Variants in KIF6 observed in about 807,000 individuals in gnomAD.
KIF6 encodes the protein kinesin family member 6.
KIF6 carries 106 observed loss-of-function variants against 112.7 expected under a neutral mutation model. That is an observed-to-expected ratio of 0.94 (90% CI 0.80 to 1.11). The LOEUF (loss-of-function observed/expected upper bound fraction) is 1.11, where lower values mean the gene tolerates loss of function less well. KIF6 is among the 50% of genes least tolerant of loss of function. The pLI is 0.00. For missense variants in KIF6, 929 were observed against 964.0 expected (o/e 0.96, Z 0.48); for synonymous variants, 339 against 339.9 (o/e 1.00, Z 0.03).
chr6:39,679,420 G>C (rs1275337652), intron 3 of KIF6, among the ~76,000 whole-genome samples: 1 of 152,046 alleles, frequency 6.6e-6, no homozygotes, highest in Non-Finnish European at 1.5e-5. Flanking sequence ...CAAGGAAGAC[G>C]GAAGAAAAGT....
chr6:39,664,198 T>A (rs1293556966), intron 3 of KIF6, among the ~76,000 whole-genome samples: 1 of 150,746 alleles, frequency 6.6e-6, no homozygotes, highest in Non-Finnish European at 1.5e-5. Flanking sequence ...GGTCAGAGAG[T>A]TCAAGCTTGG....
chr6:39,346,135 CTCT>C (rs1562113458), intron 20 of KIF6, among the ~76,000 whole-genome samples: 3,982 of 107,550 alleles, frequency 0.037, 321 homozygotes, highest in African/African-American at 0.073. Context: ...CCCTCTCCCT[CTCT>C]CTCTCTCTCT....
At chr6:39,495,796 C>A (rs561591332) in intron 13 of KIF6, among the ~76,000 whole-genome samples, 3 of 152,166 alleles carry the variant, frequency 2.0e-5, no homozygotes, top group African/African-American at 4.8e-5. Flanking sequence ...TCTGCCAGGA[C>A]TATACTTCAT....
rs1226772690 is a variant in KIF6 at position 39,419,891 on chromosome 6, T to C, written c.1810+57A>G. On this transcript the variant is annotated intron_variant, in intron 15 of 22. Transcript: ENST00000287152. Reference sequence around the variant, plus strand: ...GGCCATTTGGAGGCACATCATGACCTGATTTTCACCAGGAAAATGGTTTCT... The same window carrying C: ...GGCCATTTGGAGGCACATCATGACCCGATTTTCACCAGGAAAATGGTTTCT... 2.1e-6 allele frequency: 3 copies of C among 1,447,430 alleles called. No homozygotes were observed. In the East Asian group the frequency reaches 6.8e-5, roughly 33 times the overall value. 89.7% of individuals were successfully genotyped at this position (1,447,430 alleles called of 1,614,324 possible).
rs187129846 is a variant in KIF6 at position 39,469,890 on chromosome 6, G to A, written c.1646-38729C>T. 9.8e-4 allele frequency among the ~76,000 whole-genome samples: 149 copies of A among 152,244 alleles called. 1 individual carries two copies. The Middle Eastern group carries it at 0.01, about 10-fold the overall frequency. ...TTCAATACTCCACATTCAACAATGG[G>A]TAGAACTAGGGAAAAGATCAATAAG... On this transcript the variant is annotated intron_variant, in intron 13 of 22. Transcript: ENST00000287152.
In KIF6 at chr6:39,703,481, AT is replaced by A. The variant is rs1393511185; in HGVS notation, c.251+11210del. On this transcript the variant is annotated intron_variant, in intron 3 of 22. Coordinates refer to ENST00000287152, the MANE Select transcript of KIF6 (RefSeq NM_145027.6). Reference sequence around the variant, plus strand: ...CATTATAAAAATTAGGTGAGATAATATACGTGAAACTGCTCTTATATTGGCA... The same window carrying A: ...CATTATAAAAATTAGGTGAGATAATAACGTGAAACTGCTCTTATATTGGCA... Among the ~76,000 whole-genome samples, 5 of 152,302 alleles carry A rather than the reference AT, an allele frequency of 3.3e-5. No individual in the cohort carries two copies. The South Asian group carries it at 1.0e-3, about 32-fold the overall frequency.
At chr6:39,485,556 T>C (rs1025770764) in intron 13 of KIF6, among the ~76,000 whole-genome samples, 1 of 152,146 alleles carries the variant, frequency 6.6e-6, no homozygotes, top group Non-Finnish European at 1.5e-5. Context: ...CAGGAATCCA[T>C]AAAATCTGTA....
intron 5 of KIF6, among the ~76,000 whole-genome samples, chr6:39,619,981 A>G (rs1026526): frequency 0.24 from 36,681 of 152,062 alleles, 4,884 homozygotes; most frequent in East Asian, 0.39. Context: ...ACAACCATCA[A>G]TGGCGCCCAA....
chr6:39,391,199 G>A (rs538462681), intron 15 of KIF6, among the ~76,000 whole-genome samples: 12 of 152,292 alleles, frequency 7.9e-5, no homozygotes, highest in Admixed American at 3.9e-4. Flanking sequence ...GAAGTAGGAC[G>A]GAAATGCAAA....
rs141724924 is a variant in KIF6, at chr6:39,380,494, A to G, written c.1861+5128T>C. ...ACCATAGTCTTGACTTTCAGCCAGG[A>G]AAGAGAGTAGGAATCCTTATAAAAG... On this transcript the variant is annotated intron_variant, in intron 16 of 22. Transcript: ENST00000287152. Among the ~76,000 whole-genome samples the G allele has an allele frequency of 2.2e-4, 33 of 152,366 alleles. No individual in the cohort carries two copies. In the East Asian group the frequency reaches 6.4e-3, roughly 29 times the overall value.
rs1487385154 is a variant in KIF6 at position 39,364,049 on chromosome 6, C to G, written c.1862-1531G>C. ...TATCTTTCTTCTTAATCTGATGGTC[C>G]CTTAAATATCTGAACAACAACATCA... is the stretch of plus-strand genomic sequence containing the variant. On this transcript the variant is annotated intron_variant, in intron 16 of 22. Coordinates refer to ENST00000287152, the MANE Select transcript of KIF6 (RefSeq NM_145027.6). Among the ~76,000 whole-genome samples, 12 of 152,028 alleles carry G rather than the reference C, an allele frequency of 7.9e-5. No homozygotes were observed. The South Asian group carries it at 2.5e-3, about 32-fold the overall frequency.
intron 8 of KIF6, among the ~76,000 whole-genome samples, chr6:39,585,935 G>A (rs1221224794): frequency 6.6e-6 from 1 of 152,206 alleles, no homozygotes; most frequent in African/African-American, 2.4e-5. Flanking sequence ...GCAAAATCAA[G>A]CAAGAGAAGC....
intron 3 of KIF6, among the ~76,000 whole-genome samples, chr6:39,657,231 C>T (rs1785849007): frequency 6.9e-6 from 1 of 144,834 alleles, no homozygotes. Flanking sequence ...GAAACTCCAT[C>T]TCAAAAAAAA....
At position 39,378,572 on chromosome 6, in the gene KIF6, C is replaced by G. The variant is rs1173161771; in HGVS notation, c.1861+7050G>C. Among the ~76,000 whole-genome samples, 1 of 152,176 alleles carries G rather than the reference C, an allele frequency of 6.6e-6. No individual in the cohort carries two copies. Among genetic ancestry groups the G allele is most frequent in the Admixed American group, 6.5e-5 (1 of 15,268 alleles). Reference sequence around the variant, plus strand: ...CTTCTCTGTGGTTCAGAATCCTGCCCATTCCTCAAGACTCAGCCCAGGCCT... The same window carrying G: ...CTTCTCTGTGGTTCAGAATCCTGCCGATTCCTCAAGACTCAGCCCAGGCCT... On this transcript the variant is annotated intron_variant, in intron 16 of 22. Transcript: ENST00000287152. The surrounding 1 kb of genome is among the most constrained non-coding windows in gnomAD (Gnocchi z 5.0).
At chr6:39,370,623 A>G (rs1439857101) in intron 16 of KIF6, among the ~76,000 whole-genome samples, 1 of 152,214 alleles carries the variant, frequency 6.6e-6, no homozygotes, top group Admixed American at 6.5e-5. Flanking sequence ...AAACACTCAC[A>G]TCAGCATTTG....
At chr6:39,461,715 T>C (rs147996141) in intron 13 of KIF6, among the ~76,000 whole-genome samples, 3 of 152,230 alleles carry the variant, frequency 2.0e-5, no homozygotes, top group East Asian at 1.9e-4. Context: ...GTAGAAAAAT[T>C]TGATCTACAT....
chr6:39,365,452 C>G (rs1329532728), intron 16 of KIF6, among the ~76,000 whole-genome samples: 1 of 152,194 alleles, frequency 6.6e-6, no homozygotes, highest in African/African-American at 2.4e-5. Context: ...TCCTCCTGCT[C>G]TTAGTGTCTT....
intron 16 of KIF6, among the ~76,000 whole-genome samples, chr6:39,385,059 G>A (rs187647656): frequency 3.9e-5 from 6 of 152,298 alleles, no homozygotes; most frequent in African/African-American, 1.4e-4. Context: ...AATAGCATGA[G>A]GGCTAACAGC....
At chr6:39,337,774 C>A (rs903992867) in intron 22 of KIF6, among the ~76,000 whole-genome samples, 1 of 152,194 alleles carries the variant, frequency 6.6e-6, no homozygotes, top group Admixed American at 6.5e-5. Context: ...GGATTGAGAA[C>A]CAGGGCCCTT....
Sources: gnomAD v4.1 joint callset for allele counts (sites outside exome capture counted in the v4.1 genomes callset) on GRCh38, gnomAD v4.1.1 for gene constraint, Gnocchi (gnomAD v3.1) non-coding constraint, MANE v1.5 for transcripts, NCBI Gene and HGNC (gene_info 2026-07-23, HGNC 2026-07-21) for gene names.